The following GADL1 variants were observed in gnomAD, a reference collection of about 807,000 sequenced individuals.
GADL1 encodes the protein acidic amino acid decarboxylase GADL1.
GADL1 carries 71 observed loss-of-function variants against 69.5 expected under a neutral mutation model. That is an observed-to-expected ratio of 1.02 (90% CI 0.84 to 1.25). The LOEUF is 1.25. GADL1 is among the 50% of genes most tolerant of loss of function. The pLI is 0.00. For missense variants in GADL1, 737 were observed against 631.8 expected (o/e 1.17, Z -1.79); for synonymous variants, 254 against 214.4 (o/e 1.18, Z -1.62).
At chr3:30,841,848 C>T (rs1437479354) in intron 8 of GADL1, among the ~76,000 whole-genome samples, 2 of 152,082 alleles carry the variant, frequency 1.3e-5, no homozygotes, top group Non-Finnish European at 2.9e-5. Flanking sequence ...TGGCAGGAGC[C>T]AATGAAGCCT....
intron 14 of GADL1, among the ~76,000 whole-genome samples, chr3:30,776,684 G>A (rs1470061983): frequency 3.3e-5 from 5 of 152,190 alleles, no homozygotes. Context: ...GCTGCCAAGT[G>A]AGGCAATCAG....
intron 11 of GADL1, among the ~76,000 whole-genome samples, chr3:30,817,880 AAGAC>A (rs1477642875): frequency 2.0e-5 from 3 of 152,228 alleles, no homozygotes; most frequent in African/African-American, 4.8e-5. Flanking sequence ...ATGTACTGGG[AAGAC>A]AGACAGTAGC....
At chr3:30,771,551 T>C (rs1696419849) in intron 14 of GADL1, among the ~76,000 whole-genome samples, 4 of 152,198 alleles carry the variant, frequency 2.6e-5, no homozygotes, top group Admixed American at 2.0e-4. Context: ...ATTAGACTCT[T>C]TAAACATAAA....
intron 11 of GADL1, among the ~76,000 whole-genome samples, chr3:30,813,491 A>G (rs1697400954): frequency 6.6e-6 from 1 of 152,232 alleles, no homozygotes; most frequent in Non-Finnish European, 1.5e-5. Flanking sequence ...AATACTTAAC[A>G]AAATCAATCT....
chr3:30,839,942 T>C (rs1021012056), intron 8 of GADL1, among the ~76,000 whole-genome samples: 2 of 152,050 alleles, frequency 1.3e-5, no homozygotes, highest in Non-Finnish European at 2.9e-5. Flanking sequence ...GTACATGAGA[T>C]TGTTTCCAAA....
intron 14 of GADL1, among the ~76,000 whole-genome samples, chr3:30,754,469 A>G (rs1335209177): frequency 6.7e-6 from 1 of 149,476 alleles, no homozygotes; most frequent in Non-Finnish European, 1.5e-5. Context: ...AGGAATGCCA[A>G]TGACGGACTC....
intron 14 of GADL1, among the ~76,000 whole-genome samples, chr3:30,751,911 TCC>T (rs1238743623): frequency 6.6e-6 from 1 of 152,166 alleles, no homozygotes; most frequent in African/African-American, 2.4e-5. Flanking sequence ...CTTGTTTCTC[TCC>T]CCAATATCCC....
chr3:30,832,338 T>TA (rs1186075485), intron 11 of GADL1, among the ~76,000 whole-genome samples: 7 of 147,266 alleles, frequency 4.8e-5, no homozygotes, highest in African/African-American at 1.8e-4. Context: ...AATGAATTCT[T>TA]TAAAAAAAAA....
chr3:30,886,105 C>A (rs1698705867), intron 1 of GADL1, among the ~76,000 whole-genome samples: 1 of 152,094 alleles, frequency 6.6e-6, no homozygotes, highest in Non-Finnish European at 1.5e-5. Flanking sequence ...TAATGCATCA[C>A]AATGAAAATT....
At chr3:30,772,889 C>A (rs988025857) in intron 14 of GADL1, among the ~76,000 whole-genome samples, 1 of 151,974 alleles carries the variant, frequency 6.6e-6, no homozygotes, top group Admixed American at 6.6e-5. Context: ...AAAACAAAAG[C>A]GAAGTGTAAC....
intron 13 of GADL1, among the ~76,000 whole-genome samples, chr3:30,779,280 T>C (rs1047085417): frequency 6.6e-6 from 1 of 152,240 alleles, no homozygotes; most frequent in Non-Finnish European, 1.5e-5. Flanking sequence ...TCTTCCTCAT[T>C]TGATGCTTCA....
intron 14 of GADL1, among the ~76,000 whole-genome samples, chr3:30,772,830 T>A (rs927778249): frequency 1.3e-5 from 2 of 152,128 alleles, no homozygotes; most frequent in Non-Finnish European, 2.9e-5. Flanking sequence ...GAGCCAAGAT[T>A]GTGCCACTGC....
rs1472327794 is a variant in GADL1 at position 30,727,441 on chromosome 3, T to TATAA, written c.*800_*801insTTAT. ...GTGTGTGTATATATATATATATATATAATTTTAACTTTTGAGAATGGATAA... is the reference window on the plus strand; with the variant it reads ...GTGTGTGTATATATATATATATATATATAAAATTTTAACTTTTGAGAATGGATAA... On this transcript the variant is annotated 3_prime_UTR_variant, in exon 15 of 15. Transcript: ENST00000282538. 4.0e-5 allele frequency: 6 copies of TATAA among 148,666 alleles called. No homozygotes were observed. The highest frequency in any genetic ancestry group is 1.5e-4 in the African/African-American group (6 of 40,150). 9.2% of individuals were successfully genotyped at this position (148,666 alleles called of 1,614,324 possible).
chr3:30,801,886 T>C (rs888128394), intron 11 of GADL1, among the ~76,000 whole-genome samples: 120 of 152,184 alleles, frequency 7.9e-4, no homozygotes, highest in African/African-American at 2.9e-3. Flanking sequence ...ATATTTTAGA[T>C]CCTTATGCTC....
intron 1 of GADL1, among the ~76,000 whole-genome samples, chr3:30,893,998 T>C (rs181650879): frequency 1.3e-5 from 2 of 152,320 alleles, no homozygotes; most frequent in Admixed American, 1.3e-4. Flanking sequence ...CAACTATTAT[T>C]TTACAGAAAT....
At chr3:30,851,215 A>T (rs1698141913) in intron 4 of GADL1, among the ~76,000 whole-genome samples, 2 of 152,178 alleles carry the variant, frequency 1.3e-5, no homozygotes, top group South Asian at 4.1e-4. Flanking sequence ...AATAAAGGCA[A>T]TGCATTTGCG....
chr3:30,747,773 C>T (rs1695730357), intron 14 of GADL1, among the ~76,000 whole-genome samples: 2 of 152,140 alleles, frequency 1.3e-5, no homozygotes, highest in Non-Finnish European at 2.9e-5. Context: ...TATTTTCAGT[C>T]TACTACCCAT....
Position 30,834,245 on chromosome 3 carries a change from G to T in GADL1, c.940C>A (p.His314Asn), listed in dbSNP as rs1369572539. ...WGGSALMSRK[H>N]RKLLHGIHRA... ...TGGATGCCATGCAGAAGCTTGCGGT[G>T]CTTCCTCGACATCAAAGCTGAGCCA... Residue 314 changes from histidine (H) to asparagine (N), a missense_variant, in exon 10 of 15, where the codon CAC becomes AAC. By Grantham distance (68) the His-to-Asn change is moderately conservative (BLOSUM62 1). Coordinates refer to ENST00000282538, the MANE Select transcript of GADL1 (RefSeq NM_207359.3). 1.9e-6 allele frequency: 3 copies of T among 1,612,686 alleles called. No individual in the cohort carries two copies. Among genetic ancestry groups the T allele is most frequent in the Non-Finnish European group, 2.5e-6 (3 of 1,179,182 alleles).
chr3:30,873,915 CTG>C (rs1698538254), intron 1 of GADL1, among the ~76,000 whole-genome samples: 1 of 151,918 alleles, frequency 6.6e-6, no homozygotes, highest in African/African-American at 2.4e-5. Context: ...ATACAGAAAA[CTG>C]TACTTACCAA....
Sources: gnomAD v4.1 joint callset for allele counts (sites outside exome capture counted in the v4.1 genomes callset) on GRCh38, gnomAD v4.1.1 for gene constraint, MANE v1.5 for transcripts, NCBI Gene and HGNC (gene_info 2026-07-23, HGNC 2026-07-21) for gene names.